Variants in TFG observed in about 807,000 individuals in gnomAD.
The protein encoded by TFG is trafficking from ER to golgi regulator.
In TFG, 22 loss-of-function variants were observed where a neutral mutation model predicts 51.4. That is an observed-to-expected ratio of 0.43 (90% CI 0.31 to 0.61). The LOEUF (loss-of-function observed/expected upper bound fraction) is 0.61. Among genes scored for constraint, TFG ranks in the 20% least tolerant of loss-of-function variants. TFG has a pLI of 0.12. For synonymous variants in TFG, 187 were observed against 165.6 expected, an observed-to-expected ratio of 1.13 and a Z score of -0.99; for missense variants, 419 against 487.7, an observed-to-expected ratio of 0.86 and a Z score of 1.33.
intron 4 of TFG, 44 bp from the exon 5 acceptor site, chr3:100,732,464 G>C (rs1391371442): frequency 3.8e-5 from 57 of 1,489,538 alleles, no homozygotes; most frequent in Non-Finnish European, 5.2e-5. Flanking sequence ...ACTGAATATA[G>C]ATAAAAAGGA....
intron 6 of TFG, 62 bp downstream of exon 6, chr3:100,736,778 ATTG>A: frequency 6.5e-7 from 1 of 1,548,034 alleles, no homozygotes; most frequent in Non-Finnish European, 8.9e-7. Context: ...TTATTACAGC[ATTG>A]TTGTAAACAC....
At position 100,709,646 on chromosome 3, in the gene TFG, C is replaced by A. The variant is rs2095023490; in HGVS notation, c.-119C>A. The A allele has an allele frequency of 6.6e-6, 1 of 151,288 alleles. No individual in the cohort carries two copies. The highest frequency in any genetic ancestry group is 1.5e-5 in the Non-Finnish European group (1 of 67,760). The allele number at this position is 151,288 out of a possible 1,614,324, so 9.4% of individuals were successfully genotyped here. The stretch of plus-strand genomic sequence containing the variant: ...CGTGACCACCGCCTCCCCGCGACGC[C>A]CCAGTCCAGTGGCCTCGCGTCCGCC... On this transcript the variant is annotated 5_prime_UTR_variant, in exon 1 of 8. Coordinates refer to ENST00000240851, the MANE Select transcript of TFG (RefSeq NM_006070.6).
intron 5 of TFG, among the ~76,000 whole-genome samples, chr3:100,736,165 AAAT>A (rs1292230896): frequency 6.6e-6 from 1 of 152,136 alleles, no homozygotes; most frequent in African/African-American, 2.4e-5. Context: ...AAATTGTGAG[AAAT>A]AATGTTTGGA....
intron 3 of TFG, among the ~76,000 whole-genome samples, chr3:100,723,542 A>G (rs1144106): frequency 0.24 from 36,986 of 151,968 alleles, 5,401 homozygotes; most frequent in Non-Finnish European, 0.34. Flanking sequence ...CTTGAAAGTA[A>G]AGGGCTAGGA....
Position 100,713,888 on chromosome 3 carries a change from C to T in TFG, c.184+19C>T. ...GATGAAGGTAAGAGTGTTTTTAAAG[C>T]TATTTTTTAAAGTCTTTTTAAAAAA... On this transcript the variant is annotated intron_variant, in intron 2 of 7. Coordinates refer to ENST00000240851, the MANE Select transcript of TFG (RefSeq NM_006070.6). 3 of 1,329,808 alleles carry T rather than the reference C, an allele frequency of 2.3e-6. No homozygotes were observed. The highest frequency in any genetic ancestry group is 1.8e-5 in the South Asian group (1 of 54,486). 82.4% of individuals were successfully genotyped at this position (1,329,808 alleles called of 1,614,324 possible).
intron 6 of TFG, among the ~76,000 whole-genome samples, chr3:100,741,200 A>G (rs1383246577): frequency 6.6e-6 from 1 of 152,178 alleles, no homozygotes; most frequent in East Asian, 1.9e-4. Context: ...AACCAGGCTC[A>G]GATAGGTCCT....
chr3:100,719,905 A>C (rs2095056044), intron 2 of TFG, 70 bp from the exon 3 acceptor site: 1 of 894,186 alleles, frequency 1.1e-6, no homozygotes, highest in Non-Finnish European at 1.7e-6. Context: ...AATTTTTACT[A>C]GTTTACTGCT....
At chr3:100,727,721 A>G (rs2095079816) in intron 3 of TFG, among the ~76,000 whole-genome samples, 1 of 152,126 alleles carries the variant, frequency 6.6e-6, no homozygotes. Context: ...TCACAACTAG[A>G]GATTACCGAG....
Position 100,748,569 on chromosome 3 carries a change from A to G in TFG, c.*38A>G, listed in dbSNP as rs113590781. The G allele has an allele frequency of 2.5e-3, 3,950 of 1,556,336 alleles. 90 individuals are homozygous for G. The African/African-American group carries it at 0.049, about 19-fold the overall frequency. Reference sequence around the variant, plus strand: ...ACACCAATTAATGTAGCTGCTAGCTATTGGCCTCCCAAAAGACTCCAGTAC... The same window carrying G: ...ACACCAATTAATGTAGCTGCTAGCTGTTGGCCTCCCAAAAGACTCCAGTAC... On this transcript the variant is annotated 3_prime_UTR_variant, in exon 8 of 8. Coordinates refer to ENST00000240851, the MANE Select transcript of TFG (RefSeq NM_006070.6).
At chr3:100,748,015 C>A in intron 7 of TFG, 134 bp from the exon 8 acceptor site, 2 of 785,396 alleles carry the variant, frequency 2.5e-6, no homozygotes, top group Non-Finnish European at 4.1e-6. Context: ...GTGATGGAAT[C>A]TACCACTCTG....
At chr3:100,721,701 T>A (rs542485058) in intron 3 of TFG, among the ~76,000 whole-genome samples, 1 of 152,228 alleles carries the variant, frequency 6.6e-6, no homozygotes, top group African/African-American at 2.4e-5. Context: ...GTCACATAGG[T>A]TTCTCACAGA....
chr3:100,730,332 T>C (rs2095088060), intron 4 of TFG, among the ~76,000 whole-genome samples: 2 of 152,202 alleles, frequency 1.3e-5, no homozygotes, highest in South Asian at 4.1e-4. Context: ...CTTTATTCTT[T>C]GTGTCTATAT....
intron 2 of TFG, among the ~76,000 whole-genome samples, chr3:100,718,549 GTTTTTTTTTTT>G (rs57611480): frequency 1.7e-5 from 1 of 60,072 alleles, no homozygotes; most frequent in Admixed American, 2.3e-4. Context: ...GTATTTCATG[GTTTTTTTTTTT>G]TTTTTTTTTT....
chr3:100,722,650 C>T (rs991312022), intron 3 of TFG, among the ~76,000 whole-genome samples: 1 of 152,128 alleles, frequency 6.6e-6, no homozygotes, highest in Non-Finnish European at 1.5e-5. Context: ...TAAGACTGAT[C>T]ACATATGAAA....
intron 1 of TFG, among the ~76,000 whole-genome samples, chr3:100,712,341 TA>T (rs1409082294): frequency 6.6e-6 from 1 of 152,128 alleles, no homozygotes. Context: ...CCCGAAAGAA[TA>T]AAGAATAATT....
chr3:100,740,642 C>T (rs529097741), intron 6 of TFG, among the ~76,000 whole-genome samples: 202 of 152,186 alleles, frequency 1.3e-3, no homozygotes, highest in Admixed American at 3.1e-3. Flanking sequence ...AGAATATAAA[C>T]GATACCAACC....
At chr3:100,731,209 C>T (rs534268112) in intron 4 of TFG, among the ~76,000 whole-genome samples, 2 of 152,250 alleles carry the variant, frequency 1.3e-5, no homozygotes, top group South Asian at 2.1e-4. Flanking sequence ...ATCATTGTCC[C>T]TTAATTGAGT....
chr3:100,745,694 A>T (rs9834987), intron 7 of TFG, among the ~76,000 whole-genome samples: 4,537 of 152,314 alleles, frequency 0.03, 185 homozygotes, highest in African/African-American at 0.092. Flanking sequence ...TAATTTATGC[A>T]GGTTGAATCT....
rs1298755670 is a variant in TFG, at chr3:100,748,397, T to TATC, written c.1071_1073dup (p.Tyr357_Gln358insHis). ...AATGGCTCCAAGCCAACCTGGGGCC[T>TATC]ATCAACCAAGACCAGGTTTTACTTC... On this transcript the variant is annotated inframe_insertion, in exon 8 of 8. Transcript: ENST00000240851. The TATC allele has an allele frequency of 6.2e-7, 1 of 1,614,152 alleles. No homozygotes were observed.
Sources: gnomAD v4.1 joint callset for allele counts (sites outside exome capture counted in the v4.1 genomes callset) on GRCh38, gnomAD v4.1.1 for gene constraint, MANE v1.5 for transcripts, NCBI Gene and HGNC (gene_info 2026-07-23, HGNC 2026-07-21) for gene names.